The following FRAS1 variants were observed in gnomAD, a reference collection of about 807,000 sequenced individuals.
FRAS1 encodes Fraser extracellular matrix complex subunit 1, also known as extracellular matrix organizing protein FRAS1.
Under a neutral mutation model 435.2 loss-of-function variants are expected in FRAS1, and 290 were observed. That is an observed-to-expected ratio of 0.67 (90% CI 0.61 to 0.73). The LOEUF (loss-of-function observed/expected upper bound fraction) is 0.73. Ranked by LOEUF, FRAS1 falls within the 30% of genes least tolerant of loss-of-function variation. The probability of loss-of-function intolerance (pLI) is 0.00; values close to 1 mark genes in which losing one functional copy is unlikely to be tolerated. For missense variants in FRAS1, 4,860 were observed against 5,001.5 expected (o/e 0.97, Z 0.85); for synonymous variants, 1,800 against 1,851.0 (o/e 0.97, Z 0.71).
chr4:78,409,414 A>G (rs1733247320), intron 31 of FRAS1, among the ~76,000 whole-genome samples: 1 of 152,162 alleles, frequency 6.6e-6, no homozygotes, highest in Non-Finnish European at 1.5e-5. Context: ...AGCTCTTATT[A>G]TTGAGCAAGA....
chr4:78,273,764 TC>T (rs1726843810), intron 9 of FRAS1, among the ~76,000 whole-genome samples: 1 of 152,136 alleles, frequency 6.6e-6, no homozygotes, highest in African/African-American at 2.4e-5. Context: ...TGGATATTGG[TC>T]TAAAATTCTC....
intron 18 of FRAS1, among the ~76,000 whole-genome samples, chr4:78,325,073 T>C (rs1028416100): frequency 2.0e-5 from 3 of 152,208 alleles, no homozygotes; most frequent in African/African-American, 7.2e-5. Context: ...TAAAAAAGAA[T>C]GCAGAGATAA....
chr4:78,413,642 A>G (rs1288601243), intron 32 of FRAS1, among the ~76,000 whole-genome samples: 1 of 152,218 alleles, frequency 6.6e-6, no homozygotes, highest in African/African-American at 2.4e-5. Context: ...ACATGGAAAG[A>G]CCCACAGGTG....
Position 78,308,182 on chromosome 4 carries a change from T to G in FRAS1, c.1651T>G (p.Phe551Val), listed in dbSNP as rs1198914451. The change falls in exon 15 of 74, where the codon TTC (phenylalanine) becomes GTC (valine). Residue 551 changes from phenylalanine to valine, a missense_variant. Transcript: ENST00000512123. ...GGCESSCGKGFYNRQGTCSAC... is the reference protein window; with the variant it reads ...GGCESSCGKGVYNRQGTCSAC... ...CTGTGAGAGCAGCTGTGGAAAAGGCTTCTACAACAGGCAGGGCACCTGTAG... is the reference window on the plus strand; with the variant it reads ...CTGTGAGAGCAGCTGTGGAAAAGGCGTCTACAACAGGCAGGGCACCTGTAG... 5.0e-6 allele frequency: 8 copies of G among 1,613,806 alleles called. No homozygotes were observed. In the South Asian group the frequency reaches 8.8e-5, roughly 18 times the overall value.
intron 26 of FRAS1, among the ~76,000 whole-genome samples, chr4:78,378,429 T>C (rs986738133): frequency 1.3e-5 from 2 of 152,204 alleles, no homozygotes; most frequent in Non-Finnish European, 2.9e-5. Context: ...TCAATTCTCT[T>C]GGGTTTATAT....
Position 78,163,374 on chromosome 4 carries a change from GA to G in FRAS1, c.109-74129del, listed in dbSNP as rs1228177184. Among the ~76,000 whole-genome samples, 5 of 151,940 alleles carry G rather than the reference GA, an allele frequency of 3.3e-5. No homozygotes were observed. In the East Asian group the frequency reaches 7.7e-4, roughly 23 times the overall value. ...CTGTAATATTTCTCAGTGTTAAAGA[GA>G]AAAAAATCCTCTGTTTTAATTAAAT... On this transcript the variant is annotated intron_variant, in intron 2 of 73. Coordinates refer to ENST00000512123, the MANE Select transcript of FRAS1 (RefSeq NM_025074.7).
At position 78,161,742 on chromosome 4, in the gene FRAS1, C is replaced by CAA. The variant is rs71214399; in HGVS notation, c.109-75739_109-75738dup. 1.6e-3 allele frequency among the ~76,000 whole-genome samples: 40 copies of CAA among 24,884 alleles called. 6 individuals are homozygous for CAA. The highest frequency in any genetic ancestry group is 0.015 in the South Asian group (5 of 340). The allele number at this position is 24,884 out of a possible 152,430, so 16.3% of individuals were successfully genotyped here. On this transcript the variant is annotated intron_variant, in intron 2 of 73. Coordinates refer to ENST00000512123, the MANE Select transcript of FRAS1 (RefSeq NM_025074.7). Reference sequence around the variant, plus strand: ...GGGCAACAAGAGCAAAACTCTGTCTCAAAAAAAAAAAAAAAAAAAAAAAAA... The same window carrying CAA: ...GGGCAACAAGAGCAAAACTCTGTCTCAAAAAAAAAAAAAAAAAAAAAAAAAAA...
intron 2 of FRAS1, among the ~76,000 whole-genome samples, chr4:78,133,955 T>G (rs1719803424): frequency 7.1e-6 from 1 of 140,578 alleles, no homozygotes; most frequent in Admixed American, 7.2e-5. Flanking sequence ...TGGACTAGGT[T>G]TTTTTTTTTT....
intron 2 of FRAS1, among the ~76,000 whole-genome samples, chr4:78,234,903 G>T (rs1454854336): frequency 2.6e-5 from 4 of 152,162 alleles, no homozygotes; most frequent in African/African-American, 7.2e-5. Flanking sequence ...GTTCTCCAGA[G>T]AATCAACAAT....
intron 2 of FRAS1, among the ~76,000 whole-genome samples, chr4:78,096,948 T>G (rs577586385): frequency 1.3e-5 from 2 of 152,366 alleles, no homozygotes; most frequent in African/African-American, 4.8e-5. Flanking sequence ...ATCTTTTCTA[T>G]CGCATTGTCA....
intron 9 of FRAS1, 117 bp downstream of exon 9, chr4:78,267,549 A>C: frequency 1.1e-6 from 1 of 899,784 alleles, no homozygotes; most frequent in Non-Finnish European, 1.7e-6. Flanking sequence ...TTGACTTCTC[A>C]CACTTCATAG....
intron 20 of FRAS1, among the ~76,000 whole-genome samples, chr4:78,355,634 A>G (rs1730821705): frequency 2.0e-5 from 3 of 152,188 alleles, no homozygotes; most frequent in African/African-American, 7.2e-5. Context: ...TGGGACATTA[A>G]TCCTTGCAGA....
At chr4:78,212,534 C>G (rs1366307743) in intron 2 of FRAS1, among the ~76,000 whole-genome samples, 1 of 152,164 alleles carries the variant, frequency 6.6e-6, no homozygotes, top group Non-Finnish European at 1.5e-5. Context: ...TGGGAGCAAA[C>G]CTGACTTTTA....
chr4:78,272,988 T>C (rs1413152071), intron 9 of FRAS1, among the ~76,000 whole-genome samples: 2 of 152,230 alleles, frequency 1.3e-5, no homozygotes, highest in Non-Finnish European at 2.9e-5. Flanking sequence ...TTTTATTTCA[T>C]CGATCAGTGG....
In FRAS1 at chr4:78,534,443, A is replaced by G. The variant is rs1395665850; in HGVS notation, c.10926-6A>G. 4.4e-6 allele frequency: 7 copies of G among 1,607,056 alleles called. No homozygotes were observed. The African/African-American group carries it at 5.4e-5, about 12-fold the overall frequency. On this transcript the variant is annotated splice_polypyrimidine_tract_variant and splice_region_variant and intron_variant, in intron 70 of 73. Transcript: ENST00000512123. ...CAAAGAGCTCTTTGTTTCTCCTTGC[A>G]TTTAGATTCCTGATACCCATTGCAT...
chr4:78,499,672 C>CCA, intron 60 of FRAS1, 49 bp from the exon 61 acceptor site: 1 of 1,538,928 alleles, frequency 6.5e-7, no homozygotes, highest in South Asian at 1.2e-5. Flanking sequence ...AGTCTGAATC[C>CCA]TTTGTGCTAT....
intron 18 of FRAS1, among the ~76,000 whole-genome samples, chr4:78,325,926 G>A (rs1283006141): frequency 6.6e-6 from 1 of 152,188 alleles, no homozygotes; most frequent in Non-Finnish European, 1.5e-5. Flanking sequence ...AACAGTAAGT[G>A]CAAAGGCGGG....
intron 2 of FRAS1, among the ~76,000 whole-genome samples, chr4:78,113,459 T>C (rs1483037985): frequency 2.6e-5 from 4 of 152,164 alleles, no homozygotes; most frequent in Non-Finnish European, 4.4e-5. Context: ...GTAAAAGTGT[T>C]CCTATTTCTC....
chr4:78,519,305 C>G (rs764352652), intron 66 of FRAS1, 26 bp from the exon 67 acceptor site: 3 of 1,480,274 alleles, frequency 2.0e-6, no homozygotes, highest in South Asian at 3.0e-5. Context: ...AGAAATAACT[C>G]TGTGTGCATA....
Sources: gnomAD v4.1 joint callset for allele counts (sites outside exome capture counted in the v4.1 genomes callset) on GRCh38, gnomAD v4.1.1 for gene constraint, MANE v1.5 for transcripts, NCBI Gene and HGNC (gene_info 2026-07-23, HGNC 2026-07-21) for gene names.